Variants in VSIG10 observed in about 807,000 individuals in gnomAD.
VSIG10 encodes the protein V-set and immunoglobulin domain containing 10, also known as V-set and immunoglobulin domain-containing protein 10.
VSIG10 carries 48 observed loss-of-function variants against 58.7 expected under a neutral mutation model. That is an observed-to-expected ratio of 0.82 (90% CI 0.65 to 1.04). VSIG10 has a LOEUF of 1.04. VSIG10 is among the 50% of genes least tolerant of loss of function. VSIG10 has a pLI of 0.00. For synonymous variants in VSIG10, 260 were observed against 267.1 expected, an observed-to-expected ratio of 0.97 and a Z score of 0.26; for missense variants, 628 against 670.0, an observed-to-expected ratio of 0.94 and a Z score of 0.69.
At chr12:118,078,736 C>A (rs555883698) in intron 4 of VSIG10, among the ~76,000 whole-genome samples, 1 of 151,410 alleles carries the variant, frequency 6.6e-6, no homozygotes, top group Non-Finnish European at 1.5e-5. Context: ...GGGGTCAGTT[C>A]GAGACCAGCC....
chr12:118,087,302 A>T (rs1405800739), intron 2 of VSIG10, among the ~76,000 whole-genome samples: 1 of 151,898 alleles, frequency 6.6e-6, no homozygotes, highest in Non-Finnish European at 1.5e-5. Context: ...CCCCGGGCCT[A>T]CAGAAAACCT....
rs904737085 is a variant in VSIG10, at chr12:118,103,640, C to T, written c.32G>A (p.Arg11His). 2 of 1,506,856 alleles carry T rather than the reference C, an allele frequency of 1.3e-6. No homozygotes were observed. The highest frequency in any genetic ancestry group is 1.8e-6 in the Non-Finnish European group (2 of 1,133,602). 93.3% of individuals were successfully genotyped at this position (1,506,856 alleles called of 1,614,324 possible). The change falls in exon 1 of 9, where the codon CGC becomes CAC. Residue 11 changes from arginine (R) to histidine (H), a missense_variant. Transcript: ENST00000359236. Reference protein sequence around the residue: MAAGGSAPEPRVLVCLGALLA... With the variant: MAAGGSAPEPHVLVCLGALLA... Reference sequence around the variant, plus strand: ...GAGCGCCCCGAGGCAGACGAGGACGCGGGGCTCGGGCGCACTGCCGCCTGC... The same window carrying T: ...GAGCGCCCCGAGGCAGACGAGGACGTGGGGCTCGGGCGCACTGCCGCCTGC...
chr12:118,103,449 G>A, intron 1 of VSIG10, 144 bp downstream of exon 1: 3 of 832,546 alleles, frequency 3.6e-6, no homozygotes, highest in South Asian at 4.6e-5. Flanking sequence ...CTGCGAGCAG[G>A]AAACCAAGAC....
At chr12:118,094,134 G>A (rs1408373881) in intron 2 of VSIG10, among the ~76,000 whole-genome samples, 3 of 152,026 alleles carry the variant, frequency 2.0e-5, no homozygotes, top group Admixed American at 6.6e-5. Flanking sequence ...GTCTCCCTGT[G>A]TTGCCCAGGC....
In VSIG10 at chr12:118,096,626, G is replaced by A. The variant is rs546747025; in HGVS notation, c.80-812C>T. Among the ~76,000 whole-genome samples, 243 of 150,670 alleles carry A rather than the reference G, an allele frequency of 1.6e-3. 1 individual carries two copies. The highest frequency in any genetic ancestry group is 5.8e-3 in the African/African-American group (239 of 41,198). On this transcript the variant is annotated intron_variant, in intron 1 of 8. Transcript: ENST00000359236. ...AAAATTAGCTGGGCATGTAGTCCCAGCTAGTTGGGAGTCTGAGGCAGGAGA... is the reference window on the plus strand; with the variant it reads ...AAAATTAGCTGGGCATGTAGTCCCAACTAGTTGGGAGTCTGAGGCAGGAGA...
chr12:118,088,169 C>T (rs3922638), intron 2 of VSIG10, among the ~76,000 whole-genome samples: 40,632 of 148,074 alleles, frequency 0.27, 5,712 homozygotes, highest in Middle Eastern at 0.4. Context: ...CACCTGAACC[C>T]GGGAGGCGGA....
In VSIG10 at chr12:118,068,533, C is replaced by T; in HGVS notation, c.1411G>A (p.Glu471Lys). 2 of 1,602,922 alleles carry T rather than the reference C, an allele frequency of 1.2e-6. No individual in the cohort carries two copies. The highest frequency in any genetic ancestry group is 2.2e-5 in the East Asian group (1 of 44,596). Reference protein sequence around the residue: ...DSEEEEEEEEEEEEDAAVGEQ... With the variant: ...DSEEEEEEEEKEEEDAAVGEQ... ...CCTACTGCAGCATCTTCCTCCTCCT[C>T]CTCCTCCTCCTCCTCTTCCTCTTCT... is the stretch of plus-strand genomic sequence containing the variant. Residue 471 changes from glutamate to lysine, a missense_variant, in exon 8 of 9, where the codon GAG (glutamate) becomes AAG (lysine). By Grantham distance (56) the Glu-to-Lys change is moderately conservative. Coordinates refer to ENST00000359236, the MANE Select transcript of VSIG10 (RefSeq NM_019086.6).
intron 3 of VSIG10, among the ~76,000 whole-genome samples, chr12:118,080,201 T>C (rs1355434301): frequency 6.6e-6 from 1 of 151,990 alleles, no homozygotes; most frequent in African/African-American, 2.4e-5. Flanking sequence ...GGTTTTGCCA[T>C]GTTGGCCAGG....
chr12:118,081,009 G>A (rs934445909), intron 3 of VSIG10, among the ~76,000 whole-genome samples: 8 of 152,158 alleles, frequency 5.3e-5, no homozygotes, highest in African/African-American at 1.9e-4. Context: ...AGGAGGCTGA[G>A]GTGAGCAGAT....
At chr12:118,069,833 C>T (rs1341637881) in intron 7 of VSIG10, among the ~76,000 whole-genome samples, 1 of 152,190 alleles carries the variant, frequency 6.6e-6, no homozygotes, top group African/African-American at 2.4e-5. Context: ...CCTGGTGAAA[C>T]AAATCAGGAG....
chr12:118,074,668 G>A (rs188200743), intron 4 of VSIG10, among the ~76,000 whole-genome samples: 38 of 150,678 alleles, frequency 2.5e-4, no homozygotes, highest in Admixed American at 8.6e-4. Context: ...TAGTAGAGAC[G>A]GGGTTTCACC....
At chr12:118,075,049 TATC>T (rs1218064301) in intron 4 of VSIG10, among the ~76,000 whole-genome samples, 2 of 151,144 alleles carry the variant, frequency 1.3e-5, no homozygotes, top group African/African-American at 2.4e-5. Flanking sequence ...AAATTAACCT[TATC>T]ATAAGTATTT....
Position 118,071,060 on chromosome 12 carries a change from G to A in VSIG10, c.1338C>T (p.Asn446=). Residue 446 remains asparagine (N), a synonymous_variant, in exon 7 of 9, where the codon AAC becomes AAT. Transcript: ENST00000359236. ...YSPVFCWKVG[N]TSRGQNMDDV... ...TTCTAGGGAACACTCACCTGGAAGT[G>A]TTTCCTACTGAAGAGAGAAAGGAAA... The A allele has an allele frequency of 1.3e-6, 2 of 1,599,998 alleles. No individual in the cohort carries two copies. Among genetic ancestry groups the A allele is most frequent in the Non-Finnish European group, 1.7e-6 (2 of 1,172,934 alleles).
chr12:118,068,634 C>T (rs2032358117), intron 7 of VSIG10, 37 bp from the exon 8 acceptor site: 2 of 1,494,666 alleles, frequency 1.3e-6, no homozygotes, highest in Non-Finnish European at 8.9e-7. Context: ...AAGAAGATTT[C>T]TTATTTTTCC....
In VSIG10 at chr12:118,093,133, C is replaced by CA. The variant is rs63145763; in HGVS notation, c.361+2399dup. Reference sequence around the variant, plus strand: ...TGAAACCCTGTCTCTGCTAAAAATACAAAAAAAAAAAAAAAATTAGCTGGG... The same window carrying CA: ...TGAAACCCTGTCTCTGCTAAAAATACAAAAAAAAAAAAAAAAATTAGCTGGG... On this transcript the variant is annotated intron_variant, in intron 2 of 8. Coordinates refer to ENST00000359236, the MANE Select transcript of VSIG10 (RefSeq NM_019086.6). Among the ~76,000 whole-genome samples, 34 of 139,226 alleles carry CA rather than the reference C, an allele frequency of 2.4e-4. 1 individual carries two copies. Among genetic ancestry groups the CA allele is most frequent in the African/African-American group, 8.0e-4 (30 of 37,646 alleles). 91.3% of individuals were successfully genotyped at this position (139,226 alleles called of 152,430 possible).
intron 3 of VSIG10, among the ~76,000 whole-genome samples, chr12:118,080,517 G>T (rs934424911): frequency 6.6e-6 from 1 of 152,030 alleles, no homozygotes; most frequent in Non-Finnish European, 1.5e-5. Context: ...GGAGTGTTTG[G>T]TTGGTGTTTC....
intron 1 of VSIG10, among the ~76,000 whole-genome samples, chr12:118,098,256 T>A (rs931528175): frequency 6.8e-6 from 1 of 147,154 alleles, no homozygotes; most frequent in East Asian, 2.0e-4. Context: ...CGCCTCTCCC[T>A]CTCTCTCCGC....
At chr12:118,076,661 C>G (rs1298050178) in intron 4 of VSIG10, among the ~76,000 whole-genome samples, 1 of 149,462 alleles carries the variant, frequency 6.7e-6, no homozygotes, top group East Asian at 2.0e-4. Flanking sequence ...TCTGATCTCT[C>G]TTACCTTTCC....
chr12:118,077,566 G>A (rs944669048), intron 4 of VSIG10, among the ~76,000 whole-genome samples: 1 of 152,086 alleles, frequency 6.6e-6, no homozygotes, highest in African/African-American at 2.4e-5. Context: ...TTCAAAAAGT[G>A]GTGCCTAATT....
Sources: allele counts gnomAD v4.1 joint callset (sites outside exome capture counted in the v4.1 genomes callset), GRCh38; gene constraint gnomAD v4.1.1; transcripts MANE v1.5; gene names NCBI Gene and HGNC (gene_info 2026-07-23, HGNC 2026-07-21).